The following SLC7A1 variants were observed in gnomAD, a reference collection of about 807,000 sequenced individuals.
SLC7A1 encodes solute carrier family 7 member 1.
A neutral mutation model predicts 53.9 loss-of-function variants in SLC7A1; 10 were observed. The observed-to-expected ratio is 0.19, with a 90% CI of 0.11 to 0.31. The LOEUF (loss-of-function observed/expected upper bound fraction) is 0.31. Ranked by LOEUF, SLC7A1 falls within the 10% of genes least tolerant of loss-of-function variation. The pLI is 1.00. For missense variants in SLC7A1, 525 were observed against 827.2 expected, an observed-to-expected ratio of 0.63 and a Z score of 4.48; for synonymous variants, 342 against 338.7, an observed-to-expected ratio of 1.01 and a Z score of -0.11.
At chr13:29,553,268 A>C (rs933568669) in intron 2 of SLC7A1, among the ~76,000 whole-genome samples, 3 of 152,260 alleles carry the variant, frequency 2.0e-5, no homozygotes, top group African/African-American at 7.2e-5. Context: ...TGAGAAGTGC[A>C]AAGACTCCAA....
chr13:29,586,186 G>A (rs115620929), intron 1 of SLC7A1, among the ~76,000 whole-genome samples: 3,501 of 152,320 alleles, frequency 0.023, 127 homozygotes, highest in African/African-American at 0.079. Context: ...AATGGGGTAT[G>A]TATGTGTGCC....
Position 29,549,784 on chromosome 13 carries a change from C to T in SLC7A1, c.-15+3977G>A, listed in dbSNP as rs534982217. On this transcript the variant is annotated intron_variant, in intron 2 of 12. Transcript: ENST00000380752. ...GGTTCAAGCAATCCTCCCACCTCAGCCTCCTGAGTAGCTGGGACTAGAGGC... is the reference window on the plus strand; with the variant it reads ...GGTTCAAGCAATCCTCCCACCTCAGTCTCCTGAGTAGCTGGGACTAGAGGC... 2.0e-5 allele frequency among the ~76,000 whole-genome samples: 3 copies of T among 152,298 alleles called. No individual in the cohort carries two copies. In the South Asian group the frequency reaches 6.2e-4, roughly 32 times the overall value.
chr13:29,589,566 G>A (rs9551701), intron 1 of SLC7A1, among the ~76,000 whole-genome samples: 20,812 of 152,216 alleles, frequency 0.14, 2,330 homozygotes, highest in East Asian at 0.62. Context: ...ACTTGGGAGG[G>A]GGAAGACCCA....
At chr13:29,576,493 A>G (rs11839516) in intron 1 of SLC7A1, among the ~76,000 whole-genome samples, 29,749 of 151,896 alleles carry the variant, frequency 0.2, 4,840 homozygotes, top group East Asian at 0.63. Context: ...CTCTCCCTAC[A>G]TTCCAAAGGC....
In SLC7A1 at chr13:29,517,303, G is replaced by A; in HGVS notation, c.1518C>T (p.Leu506=). Residue 506 remains leucine, a synonymous_variant, in exon 11 of 13, where the codon CTC becomes CTT. Coordinates refer to ENST00000380752, the MANE Select transcript of SLC7A1 (RefSeq NM_003045.5). ...CGGTCACAATGCAGAAGGTGATGAT[G>A]AGAACAGCTAAGGGGGAAGGAAAAG... The part of the protein sequence containing the change: ...VNISTSLIAV[L]IITFCIVTVL... 2 of 1,610,912 alleles carry A rather than the reference G, an allele frequency of 1.2e-6. No individual in the cohort carries two copies. Among genetic ancestry groups the A allele is most frequent in the Non-Finnish European group, 1.7e-6 (2 of 1,178,804 alleles).
chr13:29,535,674 C>T, intron 3 of SLC7A1, 145 bp downstream of exon 3: 1 of 783,574 alleles, frequency 1.3e-6, no homozygotes, highest in Non-Finnish European at 2.0e-6. Context: ...CTAAATACCT[C>T]TAAATGAATC....
In SLC7A1 at chr13:29,511,083, G is replaced by C. The variant is rs947034824; in HGVS notation, c.*3397C>G. 1 of 152,352 alleles carries C rather than the reference G, an allele frequency of 6.6e-6. No individual in the cohort carries two copies. The allele number at this position is 152,352 out of a possible 1,614,324, so 9.4% of individuals were successfully genotyped here. ...CGGCAGGGAGGAGCTGGTATCATCA[G>C]CGTTTCCACCCATCTGAACAAAGGT... On this transcript the variant is annotated 3_prime_UTR_variant, in exon 13 of 13. Transcript: ENST00000380752.
chr13:29,546,710 C>CT (rs1028677898), intron 2 of SLC7A1, among the ~76,000 whole-genome samples: 104 of 152,102 alleles, frequency 6.8e-4, no homozygotes, highest in African/African-American at 2.5e-3. Flanking sequence ...TCACGAGCAA[C>CT]TTTTTTTTGT....
chr13:29,561,293 C>T (rs1162231540), intron 1 of SLC7A1, among the ~76,000 whole-genome samples: 2 of 152,074 alleles, frequency 1.3e-5, no homozygotes, highest in South Asian at 4.2e-4. Flanking sequence ...AGCAGGAGGT[C>T]GACGTCACAG....
chr13:29,517,198 C>T lies in SLC7A1; in HGVS notation c.1623G>A (p.Val541=), dbSNP rs1948760986. The T allele has an allele frequency of 2.5e-6, 4 of 1,613,158 alleles. No homozygotes were observed. The highest frequency in any genetic ancestry group is 3.4e-6 in the Non-Finnish European group (4 of 1,179,690). ...GCTGCCTCCAGATGACGCCCGTGAC[C>T]ACGGCACAGAGGAGGGCAGACCCTG... The part of the protein sequence containing the change: ...LLAGSALLCA[V]VTGVIWRQPE... Residue 541 remains valine (V), a synonymous_variant, in exon 11 of 13, where the codon GTG becomes GTA. Coordinates refer to ENST00000380752, the MANE Select transcript of SLC7A1 (RefSeq NM_003045.5).
chr13:29,535,709 C>T, intron 3 of SLC7A1, 110 bp downstream of exon 3: 2 of 1,059,680 alleles, frequency 1.9e-6, no homozygotes, highest in South Asian at 1.6e-5. Context: ...AATTCTGTGC[C>T]TCTCGTGTTA....
At chr13:29,535,687 A>C in intron 3 of SLC7A1, 132 bp downstream of exon 3, 1 of 864,724 alleles carries the variant, frequency 1.2e-6, no homozygotes, top group Non-Finnish European at 1.8e-6. Context: ...AATGAATCAG[A>C]AACATCCTAT....
intron 1 of SLC7A1, among the ~76,000 whole-genome samples, chr13:29,570,758 G>C (rs1871158699): frequency 6.6e-6 from 1 of 152,004 alleles, no homozygotes; most frequent in South Asian, 2.1e-4. Flanking sequence ...CAAGGAGGCT[G>C]AGACGGGAGG....
At chr13:29,587,530 A>T (rs2137395) in intron 1 of SLC7A1, among the ~76,000 whole-genome samples, 1 of 152,020 alleles carries the variant, frequency 6.6e-6, no homozygotes, top group Non-Finnish European at 1.5e-5. Flanking sequence ...TGAAGCACCC[A>T]AGAGCTCACT....
In SLC7A1 at chr13:29,515,115, G is replaced by C. The variant is rs571370572; in HGVS notation, c.1787-532C>G. On this transcript the variant is annotated intron_variant, in intron 12 of 12. Transcript: ENST00000380752. ...CACACGGGACTCCAGGGTGGGTCCA[G>C]GACCTATGCTTCTTACCACCTGCCC... 3.3e-5 allele frequency among the ~76,000 whole-genome samples: 5 copies of C among 152,320 alleles called. No homozygotes were observed. The South Asian group carries it at 1.0e-3, about 32-fold the overall frequency.
At chr13:29,569,212 G>A (rs1871092726) in intron 1 of SLC7A1, among the ~76,000 whole-genome samples, 1 of 152,104 alleles carries the variant, frequency 6.6e-6, no homozygotes, top group Non-Finnish European at 1.5e-5. Context: ...GCACTGGCAG[G>A]GAGGAGTGAG....
chr13:29,586,038 G>A (rs552352798), intron 1 of SLC7A1, among the ~76,000 whole-genome samples: 1 of 152,230 alleles, frequency 6.6e-6, no homozygotes, highest in East Asian at 1.9e-4. Context: ...TAAGTAAGAA[G>A]AAGCTGTAAT....
intron 12 of SLC7A1, among the ~76,000 whole-genome samples, chr13:29,515,572 A>G (rs1202991061): frequency 6.6e-6 from 1 of 152,198 alleles, no homozygotes; most frequent in African/African-American, 2.4e-5. Flanking sequence ...TATCAGCACT[A>G]TGACTCAGAT....
intron 1 of SLC7A1, among the ~76,000 whole-genome samples, chr13:29,559,675 C>T (rs975779365): frequency 6.6e-6 from 1 of 151,790 alleles, no homozygotes; most frequent in African/African-American, 2.4e-5. Context: ...ATAAATTAAG[C>T]TTAGCTTACC....
Sources: gnomAD v4.1 joint callset for allele counts (sites outside exome capture counted in the v4.1 genomes callset) on GRCh38, gnomAD v4.1.1 for gene constraint, MANE v1.5 for transcripts, NCBI Gene and HGNC (gene_info 2026-07-23, HGNC 2026-07-21) for gene names.